The following ROBO1 variants were observed in gnomAD, a reference collection of about 807,000 sequenced individuals.
ROBO1 encodes the protein roundabout guidance receptor 1.
ROBO1 carries 149 observed loss-of-function variants against 195.9 expected under a neutral mutation model. The ratio of observed to expected loss-of-function variants is 0.76; its 90% CI spans 0.67 to 0.87. The LOEUF is 0.87. ROBO1 is among the 40% of genes least tolerant of loss of function. The pLI is 0.00. For missense variants in ROBO1, 1,933 were observed against 2,068.3 expected (o/e 0.93, Z 1.27); for synonymous variants, 816 against 733.2 (o/e 1.11, Z -1.82).
At chr3:79,507,762 A>C (rs1292084778) in intron 2 of ROBO1, 1 of 154,430 alleles carries the variant, frequency 6.5e-6, no homozygotes, top group Non-Finnish European at 1.5e-5. Context: ...GAAGGTATCC[A>C]TGATTTTGTG....
chr3:78,709,436 A>T (rs547259666), intron 8 of ROBO1, among the ~76,000 whole-genome samples: 1 of 152,300 alleles, frequency 6.6e-6, no homozygotes, highest in South Asian at 2.1e-4. Flanking sequence ...CAGAAAAAAT[A>T]TATTTTTAGC....
At chr3:79,617,645 A>G (rs1404877228) in intron 1 of ROBO1, among the ~76,000 whole-genome samples, 2 of 152,118 alleles carry the variant, frequency 1.3e-5, no homozygotes, top group Non-Finnish European at 2.9e-5. Context: ...GAACTCTTAC[A>G]GTACAAAAAC....
intron 1 of ROBO1, among the ~76,000 whole-genome samples, chr3:79,754,922 G>C (rs1037033280): frequency 6.6e-6 from 1 of 151,752 alleles, no homozygotes; most frequent in Non-Finnish European, 1.5e-5. Flanking sequence ...CTCTTGTTGC[G>C]CAGGCTGGAG....
chr3:79,049,774 C>A (rs964408744), intron 3 of ROBO1, among the ~76,000 whole-genome samples: 1 of 152,040 alleles, frequency 6.6e-6, no homozygotes, highest in Non-Finnish European at 1.5e-5. Context: ...ATTTTTAACC[C>A]AGAATTTCAT....
intron 2 of ROBO1, among the ~76,000 whole-genome samples, chr3:79,583,845 T>C (rs1445011415): frequency 6.6e-6 from 1 of 151,936 alleles, no homozygotes; most frequent in African/African-American, 2.4e-5. Context: ...TCATATAAAA[T>C]GTAAATTTAA....
intron 1 of ROBO1, among the ~76,000 whole-genome samples, chr3:79,644,497 G>A (rs977313836): frequency 2.6e-5 from 4 of 152,104 alleles, no homozygotes; most frequent in Non-Finnish European, 5.9e-5. Context: ...GGACTTACAT[G>A]GAGGCAACAG....
intron 4 of ROBO1, among the ~76,000 whole-genome samples, chr3:78,763,225 A>G (rs1372384330): frequency 6.6e-6 from 1 of 152,184 alleles, no homozygotes; most frequent in Non-Finnish European, 1.5e-5. Flanking sequence ...ATTAAGCAAA[A>G]GAGAAGACAA....
intron 1 of ROBO1, among the ~76,000 whole-genome samples, chr3:79,747,009 T>C (rs923372411): frequency 2.6e-5 from 4 of 152,098 alleles, no homozygotes; most frequent in African/African-American, 7.2e-5. Flanking sequence ...TTCTAAGCTA[T>C]GTATTCAATA....
chr3:79,730,768 C>CTTTTTTTTTTT (rs66527491), intron 1 of ROBO1, among the ~76,000 whole-genome samples: 1 of 95,538 alleles, frequency 1.0e-5, no homozygotes, highest in Non-Finnish European at 2.1e-5. Flanking sequence ...CCTGTATTTC[C>CTTTTTTTTTTT]TTTTTTTTTT....
At chr3:78,754,998 T>C (rs1304197104) in intron 4 of ROBO1, among the ~76,000 whole-genome samples, 2 of 152,000 alleles carry the variant, frequency 1.3e-5, no homozygotes, top group Admixed American at 1.3e-4. Flanking sequence ...AAGACAACCT[T>C]GGTAGGGACG....
intron 5 of ROBO1, among the ~76,000 whole-genome samples, chr3:78,726,696 C>T (rs569458050): frequency 1.4e-4 from 22 of 152,166 alleles, no homozygotes; most frequent in South Asian, 4.2e-4. Flanking sequence ...TACAGATGTG[C>T]CTGGCGTGGC....
intron 1 of ROBO1, among the ~76,000 whole-genome samples, chr3:79,726,414 C>T (rs1702928040): frequency 6.6e-6 from 1 of 152,152 alleles, no homozygotes; most frequent in Non-Finnish European, 1.5e-5. Context: ...TTTGTAACGA[C>T]ATCATATAGA....
chr3:79,233,999 A>G (rs959614373), intron 2 of ROBO1, among the ~76,000 whole-genome samples: 17 of 151,996 alleles, frequency 1.1e-4, no homozygotes, highest in South Asian at 2.1e-4. Context: ...TTTGAGAAGT[A>G]TAAGTTCTTG....
chr3:78,669,574 G>GT (rs1174492006), intron 11 of ROBO1, among the ~76,000 whole-genome samples: 1 of 152,154 alleles, frequency 6.6e-6, no homozygotes, highest in Admixed American at 6.5e-5. Context: ...TCCTTAAATG[G>GT]TTCCTACAGA....
chr3:79,276,410 T>C (rs184240236), intron 2 of ROBO1, among the ~76,000 whole-genome samples: 1 of 151,956 alleles, frequency 6.6e-6, no homozygotes, highest in Admixed American at 6.6e-5. Flanking sequence ...AAACTGAATA[T>C]CCATATGCAG....
chr3:78,764,766 A>G (rs888068914), intron 4 of ROBO1, among the ~76,000 whole-genome samples: 4 of 152,150 alleles, frequency 2.6e-5, no homozygotes, highest in Non-Finnish European at 1.5e-5. Context: ...TTTTATTCTC[A>G]GGCTCATGAA....
rs1704598203 is a variant in ROBO1 at position 79,759,971 on chromosome 3, T to A, written c.-51+7781A>T. ...CAAAACTGAGGCGGGGAGTGGTGGC[T>A]CATGCCTGTAATCCCAGCACTTTGG... On this transcript the variant is annotated intron_variant, in intron 1 of 30. Transcript: ENST00000464233. Among the ~76,000 whole-genome samples the A allele has an allele frequency of 3.3e-5, 5 of 151,958 alleles. 1 individual carries two copies.
At chr3:78,760,098 T>C (rs921646817) in intron 4 of ROBO1, among the ~76,000 whole-genome samples, 19 of 152,250 alleles carry the variant, frequency 1.2e-4, no homozygotes, top group Admixed American at 9.8e-4. Flanking sequence ...CGGTTTTATA[T>C]GGGGAAACCT....
chr3:78,769,618 G>GTTTTTTTTTTTTTTTTTTTTTTTTTT (rs34157314), intron 4 of ROBO1, among the ~76,000 whole-genome samples: 2 of 84,006 alleles, frequency 2.4e-5, no homozygotes, highest in Non-Finnish European at 4.4e-5. Context: ...GTGTACTTTG[G>GTTTTTTTTTTTTTTTTTTTTTTTTTT]TTTTTTTTTT....
Sources: gnomAD v4.1 joint callset for allele counts (sites outside exome capture counted in the v4.1 genomes callset) on GRCh38, gnomAD v4.1.1 for gene constraint, MANE v1.5 for transcripts, NCBI Gene and HGNC (gene_info 2026-07-23, HGNC 2026-07-21) for gene names.